Variants in TRAF3IP1 observed in about 807,000 individuals in gnomAD.
The protein encoded by TRAF3IP1 is TRAF3-interacting protein 1.
In TRAF3IP1, 53 loss-of-function variants were observed where a neutral mutation model predicts 89.9. The observed-to-expected ratio is 0.59, with a 90% CI of 0.47 to 0.74. The LOEUF is 0.74. TRAF3IP1 is among the 30% of genes least tolerant of loss of function. TRAF3IP1 has a pLI of 0.00. For synonymous variants in TRAF3IP1, 311 were observed against 322.1 expected (o/e 0.97, Z 0.37); for missense variants, 806 against 866.1 (o/e 0.93, Z 0.87).
chr2:238,389,777 A>ATAATAATAATAATAG (rs1491179129), intron 15 of TRAF3IP1, among the ~76,000 whole-genome samples: 1 of 144,896 alleles, frequency 6.9e-6, no homozygotes, highest in African/African-American at 2.5e-5. Context: ...AATAATAATA[A>ATAATAATAATAATAG]TAGTAATAAT....
At chr2:238,358,798 A>G (rs1398215941) in intron 15 of TRAF3IP1, among the ~76,000 whole-genome samples, 3 of 152,188 alleles carry the variant, frequency 2.0e-5, no homozygotes, top group African/African-American at 7.2e-5. Flanking sequence ...TTATTTGCTT[A>G]TTAATTACTC....
chr2:238,323,807 A>AAACTGC (rs1697679195), intron 1 of TRAF3IP1, among the ~76,000 whole-genome samples: 1 of 152,190 alleles, frequency 6.6e-6, no homozygotes, highest in Non-Finnish European at 1.5e-5. Context: ...ACATTTCAAA[A>AAACTGC]AACTGCAGTC....
intron 15 of TRAF3IP1, among the ~76,000 whole-genome samples, chr2:238,373,008 G>T (rs926008746): frequency 6.6e-6 from 1 of 152,126 alleles, no homozygotes; most frequent in Non-Finnish European, 1.5e-5. Flanking sequence ...ATTTGTTTAA[G>T]TTCTTTGTAG....
At chr2:238,390,172 C>T (rs1056677132) in intron 15 of TRAF3IP1, among the ~76,000 whole-genome samples, 8 of 152,144 alleles carry the variant, frequency 5.3e-5, no homozygotes, top group Admixed American at 5.2e-4. Flanking sequence ...TTGAAACACA[C>T]GTGGGCTGCC....
intron 9 of TRAF3IP1, chr2:238,347,238 G>C (rs774195503): frequency 1.8e-6 from 1 of 563,620 alleles, no homozygotes; most frequent in Non-Finnish European, 3.2e-6. Flanking sequence ...ACCATTTTAT[G>C]ATGCACAGTT....
At chr2:238,356,208 C>T (rs1249553834) in intron 15 of TRAF3IP1, 128 bp downstream of exon 15, 3 of 826,206 alleles carry the variant, frequency 3.6e-6, no homozygotes, top group Non-Finnish European at 5.9e-6. Flanking sequence ...ATTTAAATGC[C>T]ATTCCTGGCC....
chr2:238,392,416 C>T (rs1701031625), intron 15 of TRAF3IP1, among the ~76,000 whole-genome samples: 1 of 152,140 alleles, frequency 6.6e-6, no homozygotes, highest in Admixed American at 6.5e-5. Context: ...CTTCCTTCAC[C>T]CCCAGCTACC....
chr2:238,362,660 A>G (rs1454801691), intron 15 of TRAF3IP1, among the ~76,000 whole-genome samples: 1 of 152,262 alleles, frequency 6.6e-6, no homozygotes, highest in Non-Finnish European at 1.5e-5. Flanking sequence ...ACTTAGTCAC[A>G]AAGGAGACCA....
At chr2:238,384,350 A>ATGTG (rs1225208647) in intron 15 of TRAF3IP1, among the ~76,000 whole-genome samples, 1 of 124,148 alleles carries the variant, frequency 8.1e-6, no homozygotes, top group Non-Finnish European at 1.8e-5. Flanking sequence ...GTATGTATGT[A>ATGTG]TGTATGTATG....
At position 238,355,902 on chromosome 2, in the gene TRAF3IP1, T is replaced by C. The variant is rs183264443; in HGVS notation, c.1613-102T>C. ...GAAACTGTTTCAGCATAAAAAGAGA[T>C]AGGATAAAAACTTAGTGTTTTTCCC... On this transcript the variant is annotated intron_variant, in intron 14 of 16. Transcript: ENST00000373327. The C allele has an allele frequency of 3.8e-6, 3 of 789,040 alleles. No homozygotes were observed. The Admixed American group carries it at 7.1e-5, about 19-fold the overall frequency. 48.9% of individuals were successfully genotyped at this position (789,040 alleles called of 1,614,324 possible).
intron 7 of TRAF3IP1, among the ~76,000 whole-genome samples, chr2:238,334,376 T>C (rs1698285315): frequency 6.6e-6 from 1 of 152,264 alleles, no homozygotes; most frequent in Admixed American, 6.5e-5. Flanking sequence ...CAGTCTGCAT[T>C]TAATCCTGAT....
chr2:238,329,462 A>C, intron 5 of TRAF3IP1, 120 bp downstream of exon 5: 1 of 852,682 alleles, frequency 1.2e-6, no homozygotes, highest in Non-Finnish European at 1.6e-6. Flanking sequence ...GCCTATTTAA[A>C]ATGATGACAA....
rs1193379364 is a variant in TRAF3IP1 at position 238,345,114 on chromosome 2, C to T, written c.1261+516C>T. ...GGCCTTGGAGCTCCTAACAGGCCTG[C>T]AAGGGTACCAGTGCCCAGGTAACCA... On this transcript the variant is annotated intron_variant, in intron 9 of 16. Coordinates refer to ENST00000373327, the MANE Select transcript of TRAF3IP1 (RefSeq NM_015650.4). The surrounding 1 kb of genome is among the most constrained non-coding windows in gnomAD (Gnocchi z 4.7). Among the ~76,000 whole-genome samples the T allele has an allele frequency of 4.6e-5, 7 of 152,348 alleles. No individual in the cohort carries two copies. The East Asian group carries it at 1.3e-3, about 29-fold the overall frequency.
chr2:238,333,727 A>T (rs1263023503), intron 6 of TRAF3IP1, among the ~76,000 whole-genome samples: 1 of 152,162 alleles, frequency 6.6e-6, no homozygotes, highest in Non-Finnish European at 1.5e-5. Flanking sequence ...TGACCTTTTT[A>T]GGGCTGTACA....
chr2:238,365,228 GA>G (rs963176315), intron 15 of TRAF3IP1, among the ~76,000 whole-genome samples: 55 of 152,100 alleles, frequency 3.6e-4, no homozygotes, highest in African/African-American at 1.2e-3. Flanking sequence ...AACTCTTTCA[GA>G]AAAATGCTAT....
chr2:238,393,116 AC>A lies in TRAF3IP1; in HGVS notation c.1690-4342del, dbSNP rs1303304644. On this transcript the variant is annotated intron_variant, in intron 15 of 16. Transcript: ENST00000373327. Reference sequence around the variant, plus strand: ...AGTTGCATGTTTAGTTTTATAGGAAACTGCCAAACTGTGTTCCAGAGTGGCC... The same window carrying A: ...AGTTGCATGTTTAGTTTTATAGGAAATGCCAAACTGTGTTCCAGAGTGGCC... Among the ~76,000 whole-genome samples, 4 of 152,296 alleles carry A rather than the reference AC, an allele frequency of 2.6e-5. No homozygotes were observed. The East Asian group carries it at 7.7e-4, about 29-fold the overall frequency.
chr2:238,336,800 A>T (rs58960484), intron 7 of TRAF3IP1, among the ~76,000 whole-genome samples: 17,713 of 152,094 alleles, frequency 0.12, 1,753 homozygotes, highest in African/African-American at 0.27. Flanking sequence ...CCTGAAAAGG[A>T]ACATAACTTT....
intron 14 of TRAF3IP1, 61 bp from the exon 15 acceptor site, chr2:238,355,943 T>A (rs1670756634): frequency 7.9e-7 from 1 of 1,270,106 alleles, no homozygotes; most frequent in East Asian, 2.4e-5. Context: ...CCCACCCATT[T>A]AGAATAGGTT....
Position 238,349,310 on chromosome 2 carries a change from A to G in TRAF3IP1, c.1368-15A>G, listed in dbSNP as rs774567385. The G allele has an allele frequency of 7.4e-6, 12 of 1,612,806 alleles. No homozygotes were observed. The highest frequency in any genetic ancestry group is 7.6e-6 in the Non-Finnish European group (9 of 1,179,588). ...TTTCATACTCCTTTTTTGGTTTTCC[A>G]ATATTTGGGTTTAGAAGAATTCCTC... On this transcript the variant is annotated splice_polypyrimidine_tract_variant and intron_variant, in intron 11 of 16. Transcript: ENST00000373327.
Sources: gnomAD v4.1 joint callset for allele counts (sites outside exome capture counted in the v4.1 genomes callset) on GRCh38, gnomAD v4.1.1 for gene constraint, Gnocchi (gnomAD v3.1) non-coding constraint, MANE v1.5 for transcripts, NCBI Gene and HGNC (gene_info 2026-07-23, HGNC 2026-07-21) for gene names.